The following ZNF91 variants were observed in gnomAD, a reference collection of about 807,000 sequenced individuals.
ZNF91 encodes the protein zinc finger protein 91.
In ZNF91, 7 loss-of-function variants were observed where a neutral mutation model predicts 12.6. That is an observed-to-expected ratio of 0.55 (90% CI 0.31 to 1.04). The LOEUF is 1.04. ZNF91 is among the 50% of genes least tolerant of loss of function. The pLI is 0.05. For missense variants in ZNF91, 1,217 were observed against 1,385.4 expected, an observed-to-expected ratio of 0.88 and a Z score of 1.93; for synonymous variants, 453 against 462.6, an observed-to-expected ratio of 0.98 and a Z score of 0.27.
In ZNF91 at chr19:23,360,487, C is replaced by T. The variant is rs1159949564; in HGVS notation, c.2492G>A (p.Cys831Tyr). ...TGEKPYKCKECGKAFKHSSAL... is the reference protein window; with the variant it reads ...TGEKPYKCKEYGKAFKHSSAL... The stretch of plus-strand genomic sequence containing the variant: ...TGAGGAGTGCTTAAAAGCTTTGCCA[C>T]ATTCTTTACATTTGTAGGGTTTCTC... The change falls in exon 4 of 4, where the codon TGT becomes TAT. Residue 831 changes from cysteine to tyrosine, a missense_variant. Coordinates refer to ENST00000300619, the MANE Select transcript of ZNF91 (RefSeq NM_003430.4). 24 of 1,613,822 alleles carry T rather than the reference C, an allele frequency of 1.5e-5. No individual in the cohort carries two copies. Among genetic ancestry groups the T allele is most frequent in the Non-Finnish European group, 2.0e-5 (24 of 1,179,940 alleles).
chr19:23,338,375 A>G (rs2041512478), downstream of ZNF91: 1 of 151,616 alleles, frequency 6.6e-6, no homozygotes, highest in Non-Finnish European at 1.5e-5. Context: ...AGAGTGTTGA[A>G]AAAAAAGAAA....
At chr19:23,390,754 C>G (rs1253515117) in intron 1 of ZNF91, among the ~76,000 whole-genome samples, 1 of 151,944 alleles carries the variant, frequency 6.6e-6, no homozygotes, top group Non-Finnish European at 1.5e-5. Flanking sequence ...TTTAGAGATG[C>G]ATTTTTATAG....
rs369228568 is a variant in ZNF91, at chr19:23,361,644, C to G, written c.1335G>C (p.Trp445Cys). 6.2e-7 allele frequency: 1 copy of G among 1,609,762 alleles called. No homozygotes were observed. Among genetic ancestry groups the G allele is most frequent in the African/African-American group, 1.4e-5 (1 of 73,492 alleles). ...KCEECGKAFN[W>C]SSSLTKHKRF... is the part of the protein sequence containing the mutation. ...TTTTATGTTTAGTAAGGCTTGAGGACCAGTTAAATGCTTTGCCACATTCTT... is the reference window on the plus strand; with the variant it reads ...TTTTATGTTTAGTAAGGCTTGAGGAGCAGTTAAATGCTTTGCCACATTCTT... Residue 445 changes from tryptophan to cysteine, a missense_variant, in exon 4 of 4, where the codon TGG (tryptophan) becomes TGC (cysteine). Around this residue, in one of 2 missense-constraint regions of ZNF91, gnomAD observed 726 missense variants for 895.5 expected, o/e 0.81. Transcript: ENST00000300619.
chr19:23,375,507 T>A (rs574201505), intron 1 of ZNF91, among the ~76,000 whole-genome samples: 3 of 152,306 alleles, frequency 2.0e-5, no homozygotes, highest in Admixed American at 6.5e-5. Context: ...ATCTTGTTAA[T>A]GCAGATTATT....
Position 23,359,951 on chromosome 19 carries a change from T to C in ZNF91, c.3028A>G (p.Thr1010Ala). ...CCAGTGTGCATCCTCGTATGTCTAGTTAGGGTTGAGGATTGGCTAAATGCT... is the reference window on the plus strand; with the variant it reads ...CCAGTGTGCATCCTCGTATGTCTAGCTAGGGTTGAGGATTGGCTAAATGCT... ...GKAFSQSSTL[T>A]RHTRMHTGEK... The change falls in exon 4 of 4, where the codon ACT becomes GCT. Residue 1010 changes from threonine (T) to alanine (A), a missense_variant. Transcript: ENST00000300619. The C allele has an allele frequency of 6.2e-7, 1 of 1,612,202 alleles. No homozygotes were observed. The highest frequency in any genetic ancestry group is 8.5e-7 in the Non-Finnish European group (1 of 1,179,282).
At chr19:23,306,711 TC>T (rs1967404359) in intron 3 of ZNF91, 1 of 152,234 alleles carries the variant, frequency 6.6e-6, no homozygotes, top group Non-Finnish European at 1.5e-5. Context: ...GTGACTCTCT[TC>T]TCTTCGCTGT....
At chr19:23,341,098 T>A (rs1174341041) in intron 3 of ZNF91, among the ~76,000 whole-genome samples, 1 of 150,666 alleles carries the variant, frequency 6.6e-6, no homozygotes, top group Non-Finnish European at 1.5e-5. Context: ...TTGTCCAGGC[T>A]GGAGTGCAGT....
intron 3 of ZNF91, among the ~76,000 whole-genome samples, chr19:23,349,747 C>G (rs559138656): frequency 5.3e-5 from 8 of 152,166 alleles, no homozygotes; most frequent in Non-Finnish European, 1.0e-4. Context: ...GCACTAGGGT[C>G]AAGCTCACCC....
At chr19:23,385,843 A>G (rs946256583) in intron 1 of ZNF91, among the ~76,000 whole-genome samples, 2 of 152,152 alleles carry the variant, frequency 1.3e-5, no homozygotes, top group East Asian at 3.8e-4. Flanking sequence ...ATATCCCTAT[A>G]TATTATATCT....
chr19:23,347,193 G>A (rs938095301), intron 3 of ZNF91, among the ~76,000 whole-genome samples: 33 of 151,898 alleles, frequency 2.2e-4, no homozygotes, highest in African/African-American at 7.3e-4. Context: ...ACCCTCATTC[G>A]AGCTCTCACT....
At chr19:23,363,463 AAC>A (rs1260261484) in intron 3 of ZNF91, among the ~76,000 whole-genome samples, 1 of 152,214 alleles carries the variant, frequency 6.6e-6, no homozygotes, top group Non-Finnish European at 1.5e-5. Context: ...AACATAAGTA[AAC>A]ACTCTTAATT....
At position 23,361,076 on chromosome 19, in the gene ZNF91, A is replaced by T; in HGVS notation, c.1903T>A (p.Cys635Ser). 1.2e-6 allele frequency: 2 copies of T among 1,613,610 alleles called. No individual in the cohort carries two copies. The highest frequency in any genetic ancestry group is 1.7e-6 in the Non-Finnish European group (2 of 1,179,774). Residue 635 changes from cysteine (C) to serine (S), a missense_variant, in exon 4 of 4, where the codon TGT becomes AGT. By Grantham distance (112) the Cys-to-Ser change is moderately radical. Coordinates refer to ENST00000300619, the MANE Select transcript of ZNF91 (RefSeq NM_003430.4). ...GAAGAATGGCTAAAAGCTTTGCCAC[A>T]TTCTTCACATTTGTAGGGTTTCTCT... is the stretch of plus-strand genomic sequence containing the variant. ...TGEKPYKCEE[C>S]GKAFSHSSAL... is the part of the protein sequence containing the mutation.
chr19:23,373,740 A>G lies in ZNF91; in HGVS notation c.253+2T>C, dbSNP rs1969388119. On this transcript the variant is annotated splice_donor_variant, in intron 3 of 3. Coordinates refer to ENST00000300619, the MANE Select transcript of ZNF91 (RefSeq NM_003430.4). LOFTEE classifies it high-confidence loss of function. ...TCGTCTGTTGTATTCACTCTCACCT[A>G]CCTGTGGGTTCATCCACCATCTCAT... is the stretch of plus-strand genomic sequence containing the variant. 6.2e-7 allele frequency: 1 copy of G among 1,607,548 alleles called. No homozygotes were observed.
In ZNF91 at chr19:23,360,355, ATTATC is replaced by A. The variant is rs1968682713; in HGVS notation, c.2619_2623del (p.Lys873AsnfsTer4). On this transcript the variant is annotated frameshift_variant, in exon 4 of 4. Coordinates refer to ENST00000300619, the MANE Select transcript of ZNF91 (RefSeq NM_003430.4). LOFTEE classifies it low-confidence loss of function (END_TRUNC). ...CTTGGAAGGTTTCTCTTTAGTATGA[ATTATC>A]TTATGTGTCGTAAGATTTGAAGATT... 6.2e-7 allele frequency: 1 copy of A among 1,613,868 alleles called. No homozygotes were observed. Among genetic ancestry groups the A allele is most frequent in the African/African-American group, 1.3e-5 (1 of 74,880 alleles).
intron 3 of ZNF91, among the ~76,000 whole-genome samples, chr19:23,306,020 A>T (rs1967393095): frequency 1.3e-5 from 2 of 152,238 alleles, no homozygotes; most frequent in African/African-American, 2.4e-5. Context: ...TCTTTGGAGG[A>T]ACAATTTTTG....
intron 1 of ZNF91, chr19:23,326,691 A>G (rs949676821): frequency 6.6e-6 from 1 of 152,230 alleles, no homozygotes; most frequent in African/African-American, 2.4e-5. Flanking sequence ...CATCATGTAA[A>G]TTGGAAGCTA....
At chr19:23,387,775 T>C (rs1254706694) in intron 1 of ZNF91, among the ~76,000 whole-genome samples, 2 of 147,386 alleles carry the variant, frequency 1.4e-5, no homozygotes, top group African/African-American at 5.0e-5. Flanking sequence ...CCCCATCTCT[T>C]CTAAAAATAC....
rs1568383054 is a variant in ZNF91, at chr19:23,360,333, G to C, written c.2646C>G (p.Ser882=). The C allele has an allele frequency of 1.9e-6, 3 of 1,614,006 alleles. No individual in the cohort carries two copies. Among genetic ancestry groups the C allele is most frequent in the South Asian group, 2.2e-5 (2 of 91,076 alleles). Residue 882 remains serine (S), a synonymous_variant, in exon 4 of 4, where the codon TCC becomes TCG. Coordinates refer to ENST00000300619, the MANE Select transcript of ZNF91 (RefSeq NM_003430.4). The part of the protein sequence containing the change: ...HKIIHTKEKP[S]KSEECDKAFI... ...ATGCTTTGTCACATTCTTCACTCTT[G>C]GAAGGTTTCTCTTTAGTATGAATTA... is the stretch of plus-strand genomic sequence containing the variant.
chr19:23,333,719 T>G lies in ZNF91; in HGVS notation n.117-24622A>C, dbSNP rs143318797. 2.0e-5 allele frequency among the ~76,000 whole-genome samples: 3 copies of G among 152,364 alleles called. No homozygotes were observed. The East Asian group carries it at 5.8e-4, about 29-fold the overall frequency. On this transcript the variant is annotated intron_variant and non_coding_transcript_variant, in intron 1 of 1. Transcript: ENST00000596528. ...AGGAATAAATAGAGAAATGAAGTCATGCATGCTACCAGCTCAATTTTAACT... is the reference window on the plus strand; with the variant it reads ...AGGAATAAATAGAGAAATGAAGTCAGGCATGCTACCAGCTCAATTTTAACT...
Sources: allele counts gnomAD v4.1 joint callset (sites outside exome capture counted in the v4.1 genomes callset), GRCh38; gene constraint gnomAD v4.1.1; regional missense constraint gnomAD v4.1.1; transcripts MANE v1.5; gene names NCBI Gene and HGNC (gene_info 2026-07-23, HGNC 2026-07-21).